Variants in MAPK11 observed in about 807,000 individuals in gnomAD.
The protein encoded by MAPK11 is mitogen-activated protein kinase 11, also known as MAP kinase 11.
MAPK11 carries 44 observed loss-of-function variants against 52.2 expected under a neutral mutation model. The observed-to-expected ratio is 0.84, with a 90% CI of 0.66 to 1.08. MAPK11 has a LOEUF of 1.08. MAPK11 is among the 50% of genes least tolerant of loss of function. The pLI, the probability that MAPK11 is intolerant of heterozygous loss-of-function variation, is 0.00. For synonymous variants in MAPK11, 233 were observed against 206.3 expected (o/e 1.13, Z -1.11); for missense variants, 436 against 494.7 (o/e 0.88, Z 1.13).
chr22:50,267,680 G>C, intron 2 of MAPK11, 53 bp from the exon 3 acceptor site: 1 of 1,483,658 alleles, frequency 6.7e-7, no homozygotes, highest in Non-Finnish European at 8.9e-7. Flanking sequence ...CTGTCGTTCA[G>C]CTCCCCCCGG....
rs2076139 is a variant in MAPK11 at position 50,266,232 on chromosome 22, T to C, written c.756A>G (p.Ser252=). ...CTGGCGGGCACCAACTCACGTGTTC[T>C]GAGGAGATTTTTGCCAGAACCTCAG... ...PSPEVLAKIS[S]EHARTYIQSL... is the part of the protein sequence containing the mutation. Residue 252 remains serine (S), a synonymous_variant, in exon 9 of 12, where the codon TCA becomes TCG. Coordinates refer to ENST00000330651, the MANE Select transcript of MAPK11 (RefSeq NM_002751.7). The C allele has an allele frequency of 0.75, 1,200,256 of 1,590,784 alleles. 454,263 individuals are homozygous for C. The highest frequency in any genetic ancestry group is 0.77 in the Non-Finnish European group (894,664 of 1,167,714).
intron 5 of MAPK11, 37 bp from the exon 6 acceptor site, chr22:50,267,211 G>A (rs2065270291): frequency 6.2e-7 from 1 of 1,609,752 alleles, no homozygotes; most frequent in Non-Finnish European, 8.5e-7. Context: ...AGGAGGCTGG[G>A]ACGGAGCCCT....
At chr22:50,267,793 T>TCCCCCCACGGC in intron 2 of MAPK11, 27 bp downstream of exon 2, 1 of 1,013,878 alleles carries the variant, frequency 9.9e-7, no homozygotes, top group Non-Finnish European at 1.3e-6. Context: ...GCACGCGCCC[T>TCCCCCCACGGC]CCCCCCACGG....
chr22:50,265,179 C>A (rs943219858), intron 11 of MAPK11, 142 bp downstream of exon 11: 5 of 1,293,362 alleles, frequency 3.9e-6, no homozygotes, highest in Non-Finnish European at 5.4e-6. Context: ...TGTCACTCCT[C>A]CGCCCCGCTC....
At position 50,270,278 on chromosome 22, in the gene MAPK11, G is replaced by T. The variant is rs775128757; in HGVS notation, c.15C>A (p.Arg5=). The change falls in exon 1 of 12, where the codon CGC becomes CGA. Residue 5 remains arginine (R), a synonymous_variant. Coordinates refer to ENST00000330651, the MANE Select transcript of MAPK11 (RefSeq NM_002751.7). This position sits in a 1 kb window ranked among gnomAD's most constrained non-coding sequence, Gnocchi z 6.3. The part of the protein sequence containing the change: MSGP[R]AGFYRQELNK... The stretch of plus-strand genomic sequence containing the variant: ...TCAGCTCCTGCCGGTAGAAGCCGGC[G>T]CGAGGGCCCGACATGTCCGGAGCAG... 7.1e-7 allele frequency: 1 copy of T among 1,409,970 alleles called. No homozygotes were observed. The highest frequency in any genetic ancestry group is 9.3e-7 in the Non-Finnish European group (1 of 1,078,428). 87.3% of individuals were successfully genotyped at this position (1,409,970 alleles called of 1,614,324 possible).
rs1298262702 is a variant in MAPK11 at position 50,270,300 on chromosome 22, G to A, written c.-8C>T. On this transcript the variant is annotated 5_prime_UTR_variant, in exon 1 of 12. Coordinates refer to ENST00000330651, the MANE Select transcript of MAPK11 (RefSeq NM_002751.7). This position sits in a 1 kb window ranked among gnomAD's most constrained non-coding sequence, Gnocchi z 6.3. ...GGCGCGAGGGCCCGACATGTCCGGA[G>A]CAGCCGCCGCTCCGCCCGGGCCCAG... 1 of 1,271,850 alleles carries A rather than the reference G, an allele frequency of 7.9e-7. No homozygotes were observed. The highest frequency in any genetic ancestry group is 2.2e-5 in the South Asian group (1 of 45,920). 78.8% of individuals were successfully genotyped at this position (1,271,850 alleles called of 1,614,324 possible).
At position 50,270,368 on chromosome 22, in the gene MAPK11, C is replaced by T. The variant is rs1308228009; in HGVS notation, c.-76G>A. ...GCGCCCGAGCCGAGCCCGAGCCGAG[C>T]GGAGCGGAGGGCGGCGGAGGCGGCG... On this transcript the variant is annotated 5_prime_UTR_variant, in exon 1 of 12. Transcript: ENST00000330651. This position sits in a 1 kb window ranked among gnomAD's most constrained non-coding sequence, Gnocchi z 6.3. 6.5e-6 allele frequency: 3 copies of T among 459,500 alleles called. No individual in the cohort carries two copies. The highest frequency in any genetic ancestry group is 1.4e-4 in the East Asian group (1 of 7,270). The allele number at this position is 459,500 out of a possible 1,614,324, so 28.5% of individuals were successfully genotyped here.
intron 1 of MAPK11, 126 bp from the exon 2 acceptor site, chr22:50,268,075 G>GCCCCGC: frequency 2.1e-6 from 2 of 938,284 alleles, no homozygotes; most frequent in East Asian, 7.4e-5. Flanking sequence ...TTCTGCCCCG[G>GCCCCGC]CCCCGCCGCC....
chr22:50,265,322 C>G lies in MAPK11; in HGVS notation c.1014G>C (p.Lys338Asn). 6.2e-7 allele frequency: 1 copy of G among 1,612,958 alleles called. No homozygotes were observed. The highest frequency in any genetic ancestry group is 8.5e-7 in the Non-Finnish European group (1 of 1,179,906). Residue 338 changes from lysine (K) to asparagine (N), a missense_variant and splice_region_variant, in exon 11 of 12, where the codon AAG becomes AAC. Lys to Asn is a moderately conservative substitution (Grantham distance 94, BLOSUM62 0). Coordinates refer to ENST00000330651, the MANE Select transcript of MAPK11 (RefSeq NM_002751.7). ...EAKERTLEEW[K>N]ELTYQEVLSF... ...ACCCCCAGCCACTGCCATGCTCACCCTTCCACTCCTCCAGCGTGCGCTCCT... is the reference window on the plus strand; with the variant it reads ...ACCCCCAGCCACTGCCATGCTCACCGTTCCACTCCTCCAGCGTGCGCTCCT...
At position 50,264,885 on chromosome 22, in the gene MAPK11, C is replaced by T; in HGVS notation, c.*63G>A. 2 of 1,376,036 alleles carry T rather than the reference C, an allele frequency of 1.5e-6. No homozygotes were observed. Among genetic ancestry groups the T allele is most frequent in the Non-Finnish European group, 2.0e-6 (2 of 989,534 alleles). 85.2% of individuals were successfully genotyped at this position (1,376,036 alleles called of 1,614,324 possible). On this transcript the variant is annotated 3_prime_UTR_variant, in exon 12 of 12. Coordinates refer to ENST00000330651, the MANE Select transcript of MAPK11 (RefSeq NM_002751.7). ...GAGGTGCCTCTCGAGGAAACCAGGCCAGCTGTGGAAGGGTGCAGGCCCAAG... is the reference window on the plus strand; with the variant it reads ...GAGGTGCCTCTCGAGGAAACCAGGCTAGCTGTGGAAGGGTGCAGGCCCAAG...
rs564954002 is a variant in MAPK11, at chr22:50,266,795, G to A, written c.610+139C>T. 2.7e-5 allele frequency: 26 copies of A among 970,234 alleles called. No individual in the cohort carries two copies. The East Asian group carries it at 5.5e-4, about 20-fold the overall frequency. 60.1% of individuals were successfully genotyped at this position (970,234 alleles called of 1,614,324 possible). A position where few individuals can be genotyped will look rare whatever the true frequency, so the allele number is the denominator to read the frequency against. ...AGGCCAGCACCCATCATGCTCTAGC[G>A]GCCTCTGAAGGGCTACTTTTGAATG... On this transcript the variant is annotated intron_variant, in intron 7 of 11. Transcript: ENST00000330651.
At position 50,267,581 on chromosome 22, in the gene MAPK11, T is replaced by C. The variant is rs2065274395; in HGVS notation, c.293A>G (p.Asp98Gly). The change falls in exon 3 of 12, where the codon GAC becomes GGC. Residue 98 changes from aspartate (D) to glycine (G), a missense_variant. Physicochemically the swap from Asp to Gly is moderately conservative, Grantham distance 94. Coordinates refer to ENST00000330651, the MANE Select transcript of MAPK11 (RefSeq NM_002751.7). Reference sequence around the variant, plus strand: ...CCCCGCCGCTCACACTTCGCTGAAGTCCTCGATGGACGTGGCCGGCGTGAA... The same window carrying C: ...CCCCGCCGCTCACACTTCGCTGAAGCCCTCGATGGACGTGGCCGGCGTGAA... ...DVFTPATSIE[D>G]FSEVYLVTTL... 7 of 1,547,286 alleles carry C rather than the reference T, an allele frequency of 4.5e-6. No homozygotes were observed. The highest frequency in any genetic ancestry group is 2.4e-5 in the East Asian group (1 of 41,256).
In MAPK11 at chr22:50,266,949, G is replaced by C; in HGVS notation, c.595C>G (p.His199Asp). 6.2e-7 allele frequency: 1 copy of C among 1,610,404 alleles called. No homozygotes were observed. ...RAPEIMLNWM[H>D]YNQTVDIWSV... is the part of the protein sequence containing the mutation. ...CCCCCTGCACCTGTTTGGTTGTAAT[G>C]CATCCAGTTGAGCATGATCTCAGGT... The change falls in exon 7 of 12, where the codon CAT (histidine) becomes GAT (aspartate). Residue 199 changes from histidine (H) to aspartate (D), a missense_variant. Transcript: ENST00000330651.
At position 50,266,915 on chromosome 22, in the gene MAPK11, C is replaced by G. The variant is rs1303134565; in HGVS notation, c.610+19G>C. On this transcript the variant is annotated intron_variant, in intron 7 of 11. Transcript: ENST00000330651. ...ACGAGGCCCTTGGCCTTCGTCCCCC[C>G]AAGGCCTTCCCCCTGCACCTGTTTG... The G allele has an allele frequency of 1.9e-6, 3 of 1,600,860 alleles. No individual in the cohort carries two copies. Among genetic ancestry groups the G allele is most frequent in the Non-Finnish European group, 2.6e-6 (3 of 1,175,332 alleles).
At chr22:50,268,097 T>A in intron 1 of MAPK11, 148 bp from the exon 2 acceptor site, 8 of 1,003,048 alleles carry the variant, frequency 8.0e-6, no homozygotes, top group Non-Finnish European at 1.1e-5. Flanking sequence ...CAGCTCGGCC[T>A]CCCACCCTCG....
rs1319616070 is a variant in MAPK11 at position 50,264,907 on chromosome 22, C to A, written c.*41G>T. ...GGCCAGCTGTGGAAGGGTGCAGGCCCAAGCCCCTCCACAGGCTCTCAGGGG... is the reference window on the plus strand; with the variant it reads ...GGCCAGCTGTGGAAGGGTGCAGGCCAAAGCCCCTCCACAGGCTCTCAGGGG... On this transcript the variant is annotated 3_prime_UTR_variant, in exon 12 of 12. Transcript: ENST00000330651. 1 of 1,542,168 alleles carries A rather than the reference C, an allele frequency of 6.5e-7. No homozygotes were observed. The highest frequency in any genetic ancestry group is 2.3e-5 in the East Asian group (1 of 43,834).
At position 50,267,597 on chromosome 22, in the gene MAPK11, C is replaced by T. The variant is rs2065274570; in HGVS notation, c.277G>A (p.Ala93Thr). ...TCGCTGAAGTCCTCGATGGACGTGG[C>T]CGGCGTGAAGACGTCCAGAAGCCCG... is the stretch of plus-strand genomic sequence containing the variant. ...VIGLLDVFTP[A>T]TSIEDFSEVY... The change falls in exon 3 of 12, where the codon GCC becomes ACC. Residue 93 changes from alanine (A) to threonine (T), a missense_variant. By Grantham distance (58) the Ala-to-Thr change is moderately conservative (BLOSUM62 0). Coordinates refer to ENST00000330651, the MANE Select transcript of MAPK11 (RefSeq NM_002751.7). 6.5e-7 allele frequency: 1 copy of T among 1,544,660 alleles called. No homozygotes were observed. Among genetic ancestry groups the T allele is most frequent in the Non-Finnish European group, 8.7e-7 (1 of 1,145,404 alleles).
chr22:50,264,759 G>T lies in MAPK11; in HGVS notation c.*189C>A. The stretch of plus-strand genomic sequence containing the variant: ...ACTTGTGCCCAGACTCCTACACATG[G>T]CAAGCACATGTACACACATGTTTGT... On this transcript the variant is annotated 3_prime_UTR_variant, in exon 12 of 12. Transcript: ENST00000330651. 1 of 564,408 alleles carries T rather than the reference G, an allele frequency of 1.8e-6. No individual in the cohort carries two copies. Among genetic ancestry groups the T allele is most frequent in the Non-Finnish European group, 3.2e-6 (1 of 313,992 alleles). 35.0% of individuals were successfully genotyped at this position (564,408 alleles called of 1,614,324 possible). A position where few individuals can be genotyped will look rare whatever the true frequency, so the allele number is the denominator to read the frequency against.
At chr22:50,266,805 G>C in intron 7 of MAPK11, 129 bp downstream of exon 7, 1 of 1,032,762 alleles carries the variant, frequency 9.7e-7, no homozygotes. Context: ...GGCCTCTGAA[G>C]GGCTACTTTT....
Sources: allele counts gnomAD v4.1 joint callset, GRCh38; gene constraint gnomAD v4.1.1; non-coding constraint Gnocchi (gnomAD v3.1); transcripts MANE v1.5; gene names NCBI Gene and HGNC (gene_info 2026-07-23, HGNC 2026-07-21).